Variants in CAMK2D observed in about 807,000 individuals in gnomAD.
The protein encoded by CAMK2D is calcium/calmodulin-dependent protein kinase type II subunit delta.
A neutral mutation model predicts 84.0 loss-of-function variants in CAMK2D; 37 were observed. The observed-to-expected ratio is 0.44, with a 90% CI of 0.34 to 0.58. The LOEUF (loss-of-function observed/expected upper bound fraction) is 0.58. Ranked by LOEUF, CAMK2D falls within the 20% of genes least tolerant of loss-of-function variation. The pLI is 0.02. For synonymous variants in CAMK2D, 202 were observed against 212.5 expected (o/e 0.95, Z 0.43); for missense variants, 448 against 652.5 (o/e 0.69, Z 3.41).
At chr4:113,475,144 G>T (rs970548043) in intron 16 of CAMK2D, among the ~76,000 whole-genome samples, 3 of 152,154 alleles carry the variant, frequency 2.0e-5, no homozygotes, top group African/African-American at 7.2e-5. Context: ...TTTATGAAAA[G>T]TATACTATTT....
chr4:113,716,594 T>C (rs2148542566), intron 2 of CAMK2D, among the ~76,000 whole-genome samples: 1 of 133,454 alleles, frequency 7.5e-6, no homozygotes, highest in Non-Finnish European at 1.5e-5. Flanking sequence ...GAGGTTGTAG[T>C]GAGCTGAGAT....
At chr4:113,734,951 T>C (rs2099577474) in intron 2 of CAMK2D, among the ~76,000 whole-genome samples, 1 of 149,094 alleles carries the variant, frequency 6.7e-6, no homozygotes, top group Non-Finnish European at 1.5e-5. Flanking sequence ...AACATTTTAC[T>C]ATCTTACATG....
At chr4:113,635,186 T>C (rs2099105411) in intron 3 of CAMK2D, among the ~76,000 whole-genome samples, 1 of 152,232 alleles carries the variant, frequency 6.6e-6, no homozygotes, top group African/African-American at 2.4e-5. Context: ...TTTCCTTTGA[T>C]AAGAACTTAT....
In CAMK2D at chr4:113,761,529, G is replaced by GAGGCCGCGGAGCCC; in HGVS notation, c.-475_-462dup. 9.9e-7 allele frequency: 1 copy of GAGGCCGCGGAGCCC among 1,005,334 alleles called. No individual in the cohort carries two copies. The highest frequency in any genetic ancestry group is 1.2e-6 in the Non-Finnish European group (1 of 842,052). The allele number at this position is 1,005,334 out of a possible 1,614,324, so 62.3% of individuals were successfully genotyped here. On this transcript the variant is annotated 5_prime_UTR_variant, in exon 1 of 21. Coordinates refer to ENST00000511664, the MANE Select transcript of CAMK2D (RefSeq NM_001321571.2). ...GGCGGAGGTGGAGTGCAGCGGGGCC[G>GAGGCCGCGGAGCCC]AGGCCGCGGAGCCCAGAGCGGACAG...
chr4:113,722,878 A>G (rs1245275381), intron 2 of CAMK2D, among the ~76,000 whole-genome samples: 1 of 152,184 alleles, frequency 6.6e-6, no homozygotes, highest in African/African-American at 2.4e-5. Flanking sequence ...CCTTCACCAA[A>G]GCAGAGATGA....
Position 113,504,963 on chromosome 4 carries a change from A to T in CAMK2D, c.1044+13T>A. On this transcript the variant is annotated intron_variant, in intron 14 of 20. Transcript: ENST00000511664. ...AAAGAACTTAAGAAGGGTTACAAAG[A>T]GTCCAGGTATACCAGCGCTGGGGTA... 1 of 1,505,198 alleles carries T rather than the reference A, an allele frequency of 6.6e-7. No individual in the cohort carries two copies. The highest frequency in any genetic ancestry group is 8.9e-7 in the Non-Finnish European group (1 of 1,123,888). The allele number at this position is 1,505,198 out of a possible 1,614,324, so 93.2% of individuals were successfully genotyped here. A position where few individuals can be genotyped will look rare whatever the true frequency, so the allele number is the denominator to read the frequency against.
chr4:113,477,972 G>A (rs1232571794), intron 16 of CAMK2D, among the ~76,000 whole-genome samples: 2 of 152,024 alleles, frequency 1.3e-5, no homozygotes, highest in Non-Finnish European at 2.9e-5. Context: ...ATATTTGTGA[G>A]TATGACTCCT....
chr4:113,667,649 A>C (rs2099262730), intron 2 of CAMK2D, among the ~76,000 whole-genome samples: 1 of 152,218 alleles, frequency 6.6e-6, no homozygotes, highest in Admixed American at 6.5e-5. Context: ...GGGGCTAAGG[A>C]AAGGGCCATT....
intron 6 of CAMK2D, among the ~76,000 whole-genome samples, chr4:113,546,454 A>G (rs2098573367): frequency 6.6e-6 from 1 of 152,258 alleles, no homozygotes; most frequent in Non-Finnish European, 1.5e-5. Flanking sequence ...TAAAACTCTC[A>G]GAATTAAATG....
At chr4:113,653,734 A>G (rs2099186370) in intron 3 of CAMK2D, among the ~76,000 whole-genome samples, 1 of 152,110 alleles carries the variant, frequency 6.6e-6, no homozygotes, top group Non-Finnish European at 1.5e-5. Context: ...TTGGTACAAT[A>G]AACACATAAG....
At chr4:113,628,168 T>C (rs17046293) in intron 3 of CAMK2D, among the ~76,000 whole-genome samples, 5,508 of 152,264 alleles carry the variant, frequency 0.036, 327 homozygotes, top group African/African-American at 0.12. Context: ...CTTTATAAGT[T>C]TGCATTTTGT....
chr4:113,623,415 C>T (rs185669902), intron 3 of CAMK2D, among the ~76,000 whole-genome samples: 78 of 152,170 alleles, frequency 5.1e-4, no homozygotes, highest in Admixed American at 1.6e-3. Flanking sequence ...CACACAGACA[C>T]AAACACTTAT....
chr4:113,612,366 A>G (rs903989081), intron 3 of CAMK2D, among the ~76,000 whole-genome samples: 4 of 152,140 alleles, frequency 2.6e-5, no homozygotes, highest in Non-Finnish European at 2.9e-5. Flanking sequence ...GTTTACTTTT[A>G]CAAAATGTTA....
chr4:113,513,791 G>T, intron 11 of CAMK2D, 39 bp downstream of exon 11: 1 of 947,342 alleles, frequency 1.1e-6, no homozygotes, highest in Non-Finnish European at 1.7e-6. Flanking sequence ...TTCTTAGTCT[G>T]TCAAATCTAC....
At chr4:113,675,908 C>T (rs1251559112) in intron 2 of CAMK2D, among the ~76,000 whole-genome samples, 1 of 152,206 alleles carries the variant, frequency 6.6e-6, no homozygotes, top group Non-Finnish European at 1.5e-5. Context: ...GATTATGACA[C>T]AATTCCTATC....
At chr4:113,596,741 G>A (rs1023082126) in intron 4 of CAMK2D, among the ~76,000 whole-genome samples, 1 of 152,068 alleles carries the variant, frequency 6.6e-6, no homozygotes, top group Non-Finnish European at 1.5e-5. Flanking sequence ...GTAAACAGAT[G>A]TGCTGTCGTC....
chr4:113,452,474 T>A lies in CAMK2D; in HGVS notation c.*2071A>T, dbSNP rs1341499248. ...TATATCAATCAGTCCTTTACCATTA[T>A]GGCAAGAAATATATACAGTGTCCCA... On this transcript the variant is annotated 3_prime_UTR_variant, in exon 21 of 21. Coordinates refer to ENST00000511664, the MANE Select transcript of CAMK2D (RefSeq NM_001321571.2). 1.3e-5 allele frequency: 2 copies of A among 152,622 alleles called. No individual in the cohort carries two copies. Among genetic ancestry groups the A allele is most frequent in the African/African-American group, 4.8e-5 (2 of 41,454 alleles). The allele number at this position is 152,622 out of a possible 1,614,324, so 9.5% of individuals were successfully genotyped here.
intron 2 of CAMK2D, among the ~76,000 whole-genome samples, chr4:113,726,005 GA>G (rs1188816077): frequency 6.6e-6 from 1 of 152,172 alleles, no homozygotes; most frequent in Non-Finnish European, 1.5e-5. Flanking sequence ...AAAGCATAGA[GA>G]TGAAACAAGT....
At chr4:113,494,279 T>C (rs553186855) in intron 16 of CAMK2D, among the ~76,000 whole-genome samples, 1 of 152,362 alleles carries the variant, frequency 6.6e-6, no homozygotes, top group South Asian at 2.1e-4. Context: ...TTTTATCTAC[T>C]TTTGGTCTTT....
Sources: gnomAD v4.1 joint callset for allele counts (sites outside exome capture counted in the v4.1 genomes callset) on GRCh38, gnomAD v4.1.1 for gene constraint, MANE v1.5 for transcripts, NCBI Gene and HGNC (gene_info 2026-07-23, HGNC 2026-07-21) for gene names.